MDGA1: variants seen among roughly 807,000 people sequenced by gnomAD.
MDGA1 encodes MAM domain containing glycosylphosphatidylinositol anchor 1, also known as MAM domain-containing glycosylphosphatidylinositol anchor protein 1.
Under a neutral mutation model 101.5 loss-of-function variants are expected in MDGA1, and 54 were observed. The observed-to-expected ratio is 0.53, with a 90% CI of 0.43 to 0.67. MDGA1 has a LOEUF of 0.67. Ranked by LOEUF, MDGA1 falls within the 30% of genes least tolerant of loss-of-function variation. The pLI is 0.00. For synonymous variants in MDGA1, 533 were observed against 558.3 expected (o/e 0.95, Z 0.64); for missense variants, 1,083 against 1,323.8 (o/e 0.82, Z 2.82).
chr6:37,684,778 G>A (rs1762163275), intron 1 of MDGA1, among the ~76,000 whole-genome samples: 1 of 152,158 alleles, frequency 6.6e-6, no homozygotes, highest in Non-Finnish European at 1.5e-5. Flanking sequence ...ATTCCAGAAA[G>A]AAAAGTGAAT....
intron 1 of MDGA1, among the ~76,000 whole-genome samples, chr6:37,666,521 C>G (rs1279566596): frequency 6.6e-6 from 1 of 152,144 alleles, no homozygotes; most frequent in Non-Finnish European, 1.5e-5. Flanking sequence ...GTGACAGGCG[C>G]CTTCCTTCTT....
chr6:37,675,332 G>C (rs1295702368), intron 1 of MDGA1, among the ~76,000 whole-genome samples: 1 of 152,216 alleles, frequency 6.6e-6, no homozygotes, highest in African/African-American at 2.4e-5. Flanking sequence ...GGCTTCAATG[G>C]AGATAACTTT....
chr6:37,661,506 C>A (rs1484560909), intron 2 of MDGA1, among the ~76,000 whole-genome samples: 3 of 152,208 alleles, frequency 2.0e-5, no homozygotes, highest in African/African-American at 7.2e-5. Flanking sequence ...GGACCCATAA[C>A]TTTGCTTGGC....
chr6:37,676,133 T>C (rs72847500), intron 1 of MDGA1, among the ~76,000 whole-genome samples: 14,505 of 152,244 alleles, frequency 0.095, 796 homozygotes, highest in Middle Eastern at 0.16. Context: ...ACCAGACTCA[T>C]GAGTGTGTCT....
At chr6:37,661,737 G>A (rs368913893) in intron 2 of MDGA1, among the ~76,000 whole-genome samples, 5 of 152,248 alleles carry the variant, frequency 3.3e-5, no homozygotes, top group South Asian at 2.1e-4. Context: ...GAAGGTCTTC[G>A]ATTCCATCCC....
intron 9 of MDGA1, chr6:37,648,696 C>T (rs1761278227): frequency 5.6e-6 from 3 of 534,772 alleles, no homozygotes; most frequent in East Asian, 7.0e-5. Context: ...CATAGGCGGG[C>T]CTTGGAAGGC....
At chr6:37,664,553 C>T (rs1761699488) in intron 1 of MDGA1, among the ~76,000 whole-genome samples, 2 of 150,452 alleles carry the variant, frequency 1.3e-5, no homozygotes, top group African/African-American at 4.9e-5. Context: ...AGAGAGCTGC[C>T]TTGGCCAGAA....
At chr6:37,692,628 G>C (rs890246316) in intron 1 of MDGA1, among the ~76,000 whole-genome samples, 2 of 151,920 alleles carry the variant, frequency 1.3e-5, no homozygotes, top group East Asian at 1.9e-4. Flanking sequence ...TTCATTTGCC[G>C]GGCCTTGGCG....
At chr6:37,654,084 T>G (rs1761426648) in intron 6 of MDGA1, among the ~76,000 whole-genome samples, 190 bp downstream of exon 6, 1 of 152,222 alleles carries the variant, frequency 6.6e-6, no homozygotes, top group South Asian at 2.1e-4. Flanking sequence ...TATACAAATT[T>G]TATTCCTTCT....
rs1470490356 is a variant in MDGA1, at chr6:37,696,313, T to A, written c.67+432A>T. Among the ~76,000 whole-genome samples, 1 of 152,042 alleles carries A rather than the reference T, an allele frequency of 6.6e-6. No homozygotes were observed. The highest frequency in any genetic ancestry group is 1.5e-5 in the Non-Finnish European group (1 of 67,986). ...AGGCGAGCCCGCCGCCCGGCCTTGG[T>A]GCTGACAGCCGGCTCGCCCGCAAGC... On this transcript the variant is annotated intron_variant, in intron 1 of 16. Coordinates refer to ENST00000434837, the MANE Select transcript of MDGA1 (RefSeq NM_153487.4). This position sits in a 1 kb window ranked among gnomAD's most constrained non-coding sequence, Gnocchi z 5.6.
intron 1 of MDGA1, among the ~76,000 whole-genome samples, chr6:37,673,859 C>A (rs2114074905): frequency 6.6e-6 from 1 of 152,278 alleles, no homozygotes; most frequent in Non-Finnish European, 1.5e-5. Context: ...GACTTTTGGC[C>A]CATCCAGTTC....
In MDGA1 at chr6:37,638,816, C is replaced by T. The variant is rs573542157; in HGVS notation, c.2537-149G>A. 5 of 1,023,308 alleles carry T rather than the reference C, an allele frequency of 4.9e-6. No homozygotes were observed. The highest frequency in any genetic ancestry group is 3.2e-5 in the African/African-American group (2 of 62,048). The allele number at this position is 1,023,308 out of a possible 1,614,324, so 63.4% of individuals were successfully genotyped here. ...CCCCATGCCCAGCTGGGTGCAATGT[C>T]CCATTCCTGCAGGGACACCCTCAGT... is the stretch of plus-strand genomic sequence containing the variant. On this transcript the variant is annotated intron_variant, in intron 14 of 16. Coordinates refer to ENST00000434837, the MANE Select transcript of MDGA1 (RefSeq NM_153487.4). The surrounding 1 kb of genome is among the most constrained non-coding windows in gnomAD (Gnocchi z 4.8).
chr6:37,665,099 C>T (rs1215117455), intron 1 of MDGA1, among the ~76,000 whole-genome samples: 2 of 152,174 alleles, frequency 1.3e-5, no homozygotes, highest in Non-Finnish European at 2.9e-5. Context: ...GGGACCAAAG[C>T]TAGGCCCTGG....
Position 37,638,605 on chromosome 6 carries a change from G to C in MDGA1, c.2599C>G (p.Leu867Val). ...KGALDTHAWSLSGNKGNVWQQ... is the reference protein window; with the variant it reads ...KGALDTHAWSVSGNKGNVWQQ... ...CACACATTGCCCTTATTGCCACTGA[G>C]AGACCAGGCGTGCGTGTCCAGAGCC... Residue 867 changes from leucine to valine, a missense_variant, in exon 15 of 17, where the codon CTC (leucine) becomes GTC (valine). By Grantham distance (32) the Leu-to-Val change is conservative. Transcript: ENST00000434837. The surrounding 1 kb of genome is among the most constrained non-coding windows in gnomAD (Gnocchi z 4.8). The C allele has an allele frequency of 1.2e-6, 2 of 1,614,018 alleles. No individual in the cohort carries two copies. Among genetic ancestry groups the C allele is most frequent in the Non-Finnish European group, 1.7e-6 (2 of 1,179,886 alleles).
chr6:37,638,159 C>A lies in MDGA1; in HGVS notation c.2776+46G>T. The A allele has an allele frequency of 6.5e-7, 1 of 1,534,750 alleles. No homozygotes were observed. The highest frequency in any genetic ancestry group is 9.0e-7 in the Non-Finnish European group (1 of 1,109,070). ...AACAGACAGGAACCCCCGCCACGCA[C>A]AGCTCCCTCCAGATTCAGCTCCCCC... On this transcript the variant is annotated intron_variant, in intron 16 of 16. Coordinates refer to ENST00000434837, the MANE Select transcript of MDGA1 (RefSeq NM_153487.4). The surrounding 1 kb of genome is among the most constrained non-coding windows in gnomAD (Gnocchi z 4.8).
At chr6:37,670,775 C>T (rs533397621) in intron 1 of MDGA1, among the ~76,000 whole-genome samples, 144 of 152,314 alleles carry the variant, frequency 9.5e-4, no homozygotes, top group African/African-American at 3.3e-3. Context: ...AAGCTCCTTG[C>T]CTCAGTTCTG....
At chr6:37,664,242 C>G in intron 1 of MDGA1, 136 bp from the exon 2 acceptor site, 2 of 1,119,970 alleles carry the variant, frequency 1.8e-6, no homozygotes, top group Non-Finnish European at 2.6e-6. Context: ...CCTGACCCCA[C>G]TGAGCCCAGG....
At chr6:37,658,466 G>T in intron 2 of MDGA1, 47 bp from the exon 3 acceptor site, 1 of 1,553,468 alleles carries the variant, frequency 6.4e-7, no homozygotes, top group Non-Finnish European at 8.7e-7. Context: ...CTCACACGGG[G>T]TGGGGGCCTC....
intron 1 of MDGA1, among the ~76,000 whole-genome samples, chr6:37,668,118 G>A (rs1434911074): frequency 6.6e-6 from 1 of 151,902 alleles, no homozygotes; most frequent in African/African-American, 2.4e-5. Flanking sequence ...AGGCATGGGG[G>A]TGTGTGCCTG....
Sources: gnomAD v4.1 joint callset for allele counts (sites outside exome capture counted in the v4.1 genomes callset) on GRCh38, gnomAD v4.1.1 for gene constraint, Gnocchi (gnomAD v3.1) non-coding constraint, MANE v1.5 for transcripts, NCBI Gene and HGNC (gene_info 2026-07-23, HGNC 2026-07-21) for gene names.